Variants in CDKN2B-AS1 observed in about 807,000 individuals in gnomAD.
The protein encoded by CDKN2B-AS1 is CDKN2B and CDKN2A antisense cis and trans regulatory RNA 1.
At chr9:22,034,332 A>G (rs1822597941) in intron 1 of CDKN2B-AS1, among the ~76,000 whole-genome samples, 1 of 152,140 alleles carries the variant, frequency 6.6e-6, no homozygotes, top group South Asian at 2.1e-4. Flanking sequence ...TGAAAATGGA[A>G]TTAAAAGTTT....
chr9:22,100,202 A>G (rs1000200700), intron 4 of CDKN2B-AS1, among the ~76,000 whole-genome samples: 4 of 152,196 alleles, frequency 2.6e-5, no homozygotes, highest in Admixed American at 6.6e-5. Context: ...TTTTAAGTGC[A>G]TGAATTCAGT....
chr9:22,018,554 G>A (rs1821881579), intron 1 of CDKN2B-AS1, among the ~76,000 whole-genome samples: 1 of 152,186 alleles, frequency 6.6e-6, no homozygotes. Flanking sequence ...CTACTCGGGA[G>A]GCTGAGGGAG....
At chr9:22,082,433 AC>A (rs1824731036) in intron 4 of CDKN2B-AS1, among the ~76,000 whole-genome samples, 2 of 152,232 alleles carry the variant, frequency 1.3e-5, no homozygotes, top group Non-Finnish European at 2.9e-5. Flanking sequence ...AGGCCCAGTG[AC>A]ATTAGGTAAC....
chr9:22,057,540 G>A (rs923729148), intron 4 of CDKN2B-AS1, among the ~76,000 whole-genome samples: 10 of 152,210 alleles, frequency 6.6e-5, no homozygotes, highest in African/African-American at 1.9e-4. Flanking sequence ...CAGGTGTGGT[G>A]GCTCACACCT....
Position 21,996,513 on chromosome 9 carries a change from C to T in CDKN2B-AS1, n.29+1352C>T, listed in dbSNP as rs1820694190. Among the ~76,000 whole-genome samples, 1 of 152,158 alleles carries T rather than the reference C, an allele frequency of 6.6e-6. No homozygotes were observed. The highest frequency in any genetic ancestry group is 2.1e-4 in the South Asian group (1 of 4,830). On this transcript the variant is annotated intron_variant and non_coding_transcript_variant, in intron 1 of 4. Transcript: ENST00000650946. The surrounding 1 kb of genome is among the most constrained non-coding windows in gnomAD (Gnocchi z 5.4). ...AAATGCTTCCCTTTTCAGGCACCCT[C>T]ATACCACCGTGATTTTTTTCTTTAT...
intron 4 of CDKN2B-AS1, among the ~76,000 whole-genome samples, chr9:22,078,104 G>C (rs1192381933): frequency 6.6e-6 from 1 of 151,912 alleles, no homozygotes; most frequent in Non-Finnish European, 1.5e-5. Flanking sequence ...TATTGAATGT[G>C]TTTTGTTTGT....
At chr9:22,085,513 G>A (rs72652412) in intron 4 of CDKN2B-AS1, among the ~76,000 whole-genome samples, 4 of 152,262 alleles carry the variant, frequency 2.6e-5, no homozygotes, top group Non-Finnish European at 5.9e-5. Context: ...GAGGTCAGGA[G>A]ATCAAGACCA....
At chr9:22,072,629 G>A in intron 4 of CDKN2B-AS1, among the ~76,000 whole-genome samples, 1 of 152,330 alleles carries the variant, frequency 6.6e-6, no homozygotes, top group Admixed American at 6.5e-5. Flanking sequence ...TTGAATAAAT[G>A]TTATTAGATG....
Position 22,095,178 on chromosome 9 carries a change from G to A in CDKN2B-AS1, n.439-31925G>A, listed in dbSNP as rs1047326354. Among the ~76,000 whole-genome samples, 14 of 144,740 alleles carry A rather than the reference G, an allele frequency of 9.7e-5. 2 individuals carry two copies. Among genetic ancestry groups the A allele is most frequent in the Admixed American group, 9.4e-4 (14 of 14,954 alleles). 95.0% of individuals were successfully genotyped at this position (144,740 alleles called of 152,430 possible). Reference sequence around the variant, plus strand: ...GCCTGATTGTTCCTCTGGAAGCTTCGTCTCAGAGGGGTACCCAGCCGTGTG... The same window carrying A: ...GCCTGATTGTTCCTCTGGAAGCTTCATCTCAGAGGGGTACCCAGCCGTGTG... On this transcript the variant is annotated intron_variant and non_coding_transcript_variant, in intron 4 of 4. Coordinates refer to ENST00000650946, the Ensembl canonical transcript of CDKN2B-AS1.
intron 3 of CDKN2B-AS1, among the ~76,000 whole-genome samples, chr9:22,053,485 G>T (rs894063092): frequency 1.3e-5 from 2 of 152,178 alleles, no homozygotes; most frequent in Non-Finnish European, 2.9e-5. Flanking sequence ...ATAATTCCCA[G>T]TGATCATTAG....
At chr9:22,018,384 A>G (rs895781002) in intron 1 of CDKN2B-AS1, among the ~76,000 whole-genome samples, 3 of 150,774 alleles carry the variant, frequency 2.0e-5, no homozygotes, top group Non-Finnish European at 4.4e-5. Context: ...TGGGCCGCGC[A>G]TGGTGGCTCA....
At chr9:22,028,938 G>T (rs1462561135) in intron 1 of CDKN2B-AS1, among the ~76,000 whole-genome samples, 1 of 151,908 alleles carries the variant, frequency 6.6e-6, no homozygotes, top group African/African-American at 2.4e-5. Flanking sequence ...GATTGATTAT[G>T]GTATAATACA....
At chr9:22,080,406 C>G (rs1221047680) in intron 4 of CDKN2B-AS1, among the ~76,000 whole-genome samples, 2 of 152,234 alleles carry the variant, frequency 1.3e-5, no homozygotes, top group East Asian at 1.9e-4. Context: ...GCTAAAGATT[C>G]TGAGCTATCA....
intron 4 of CDKN2B-AS1, among the ~76,000 whole-genome samples, chr9:22,099,076 C>T (rs1371359205): frequency 6.6e-6 from 1 of 152,190 alleles, no homozygotes; most frequent in African/African-American, 2.4e-5. Flanking sequence ...TGGGAAAGTT[C>T]ATGGCAGTTT....
chr9:22,018,131 C>G (rs944448212), intron 1 of CDKN2B-AS1, among the ~76,000 whole-genome samples: 8 of 149,936 alleles, frequency 5.3e-5, no homozygotes, highest in Non-Finnish European at 1.2e-4. Context: ...CAAGACCAGC[C>G]TGACCAACAT....
chr9:22,008,241 AT>A (rs1821291465), intron 1 of CDKN2B-AS1, among the ~76,000 whole-genome samples: 4 of 152,176 alleles, frequency 2.6e-5, no homozygotes, highest in African/African-American at 9.7e-5. Context: ...AGAACTATAT[AT>A]TTTTTCTCTT....
intron 1 of CDKN2B-AS1, among the ~76,000 whole-genome samples, chr9:22,007,021 AT>A (rs1821222924): frequency 6.6e-6 from 1 of 152,228 alleles, no homozygotes; most frequent in African/African-American, 2.4e-5. Flanking sequence ...GGATTTTATA[AT>A]AGCTAAGATT....
At chr9:22,021,463 G>A (rs1361873446) in intron 1 of CDKN2B-AS1, among the ~76,000 whole-genome samples, 1 of 152,048 alleles carries the variant, frequency 6.6e-6, no homozygotes, top group African/African-American at 2.4e-5. Flanking sequence ...TCTATGAAGA[G>A]ATTCAATGGT....
intron 4 of CDKN2B-AS1, among the ~76,000 whole-genome samples, chr9:22,111,823 A>T (rs1253762732): frequency 6.6e-6 from 1 of 152,228 alleles, no homozygotes; most frequent in Non-Finnish European, 1.5e-5. Context: ...TATAATCAAG[A>T]TAGCATTAAA....
Sources: allele counts gnomAD v4.1 joint callset (sites outside exome capture counted in the v4.1 genomes callset), GRCh38; gene constraint gnomAD v4.1.1; non-coding constraint Gnocchi (gnomAD v3.1); transcripts MANE v1.5; gene names NCBI Gene and HGNC (gene_info 2026-07-23, HGNC 2026-07-21).